Variants in SLC7A5 observed in about 807,000 individuals in gnomAD.
SLC7A5 encodes solute carrier family 7 member 5, also known as large neutral amino acids transporter small subunit 1.
SLC7A5 carries 23 observed loss-of-function variants against 50.2 expected under a neutral mutation model. The observed-to-expected ratio is 0.46, with a 90% CI of 0.33 to 0.65. The LOEUF is 0.65. Ranked by LOEUF, SLC7A5 falls within the 30% of genes least tolerant of loss-of-function variation. The pLI, the probability that SLC7A5 is intolerant of heterozygous loss-of-function variation, is 0.02. For synonymous variants in SLC7A5, 393 were observed against 330.6 expected, an observed-to-expected ratio of 1.19 and a Z score of -2.05; for missense variants, 578 against 684.4, an observed-to-expected ratio of 0.84 and a Z score of 1.73.
At chr16:87,847,477 T>A (rs546873779) in intron 2 of SLC7A5, among the ~76,000 whole-genome samples, 7 of 152,260 alleles carry the variant, frequency 4.6e-5, no homozygotes, top group African/African-American at 1.7e-4. Flanking sequence ...GGGGCTGCCT[T>A]CAAGGAAGCT....
chr16:87,846,006 A>C (rs949866904), intron 2 of SLC7A5, among the ~76,000 whole-genome samples: 2 of 152,222 alleles, frequency 1.3e-5, no homozygotes, highest in African/African-American at 4.8e-5. Context: ...GGCCCAGGAC[A>C]CACTGAGCTC....
Position 87,852,529 on chromosome 16 carries a change from A to G in SLC7A5, c.539-680T>C, listed in dbSNP as rs1319235679. ...CCTGAGTGACCCCACACAGATGGCC[A>G]GAACGCCTGCCCCAGGAGGCGCTGA... On this transcript the variant is annotated intron_variant, in intron 1 of 9. Transcript: ENST00000261622. The surrounding 1 kb of genome is among the most constrained non-coding windows in gnomAD (Gnocchi z 4.5). Among the ~76,000 whole-genome samples the G allele has an allele frequency of 2.0e-5, 3 of 152,160 alleles. No individual in the cohort carries two copies. Among genetic ancestry groups the G allele is most frequent in the Non-Finnish European group, 1.5e-5 (1 of 68,022 alleles).
At chr16:87,856,495 G>T (rs1236524812) in intron 1 of SLC7A5, among the ~76,000 whole-genome samples, 1 of 152,182 alleles carries the variant, frequency 6.6e-6, no homozygotes, top group Admixed American at 6.5e-5. Flanking sequence ...CAGCTGGCCC[G>T]ACACCGGGCA....
chr16:87,842,337 A>C (rs572673606), intron 2 of SLC7A5, among the ~76,000 whole-genome samples: 76 of 152,308 alleles, frequency 5.0e-4, no homozygotes, highest in Non-Finnish European at 1.0e-3. Flanking sequence ...GCCTTGGACC[A>C]CAGGTCACCA....
intron 1 of SLC7A5, among the ~76,000 whole-genome samples, chr16:87,854,129 C>T (rs886909218): frequency 6.6e-6 from 1 of 150,810 alleles, no homozygotes; most frequent in Non-Finnish European, 1.5e-5. Context: ...CAGCCGCTCC[C>T]CAACCAAAAA....
At chr16:87,864,699 T>C (rs1010749681) in intron 1 of SLC7A5, among the ~76,000 whole-genome samples, 15 of 152,260 alleles carry the variant, frequency 9.9e-5, no homozygotes, top group Non-Finnish European at 1.6e-4. Context: ...GGCTCCCTGC[T>C]GAGTCCTGTA....
At chr16:87,835,180 C>T (rs997130456) in intron 8 of SLC7A5, among the ~76,000 whole-genome samples, 12 of 152,244 alleles carry the variant, frequency 7.9e-5, no homozygotes, top group Admixed American at 2.6e-4. Context: ...GGACAGGGCA[C>T]CCTGGGAGAT....
At chr16:87,864,806 A>C (rs556503537) in intron 1 of SLC7A5, among the ~76,000 whole-genome samples, 1 of 152,356 alleles carries the variant, frequency 6.6e-6, no homozygotes, top group Non-Finnish European at 1.5e-5. Flanking sequence ...AGAATGTAAC[A>C]GACATTGTGG....
rs1446431141 is a variant in SLC7A5, at chr16:87,862,355, A to ACAACAGCTAAGC, written c.538+6529_538+6530insGCTTAGCTGTTG. 5.9e-5 allele frequency among the ~76,000 whole-genome samples: 9 copies of ACAACAGCTAAGC among 152,162 alleles called. 1 individual carries two copies. The highest frequency in any genetic ancestry group is 5.9e-4 in the Admixed American group (9 of 15,282). On this transcript the variant is annotated intron_variant, in intron 1 of 9. Transcript: ENST00000261622. This position sits in a 1 kb window ranked among gnomAD's most constrained non-coding sequence, Gnocchi z 5.3. ...GGCCAACTGGCCTTTGAGTCCACTG[A>ACAACAGCTAAGC]CCACAGCTAAGCCCACAGCCATCAA... is the stretch of plus-strand genomic sequence containing the variant.
At chr16:87,863,998 T>TATATATATATATATATAC (rs1410274815) in intron 1 of SLC7A5, among the ~76,000 whole-genome samples, 12 of 137,632 alleles carry the variant, frequency 8.7e-5, no homozygotes, top group South Asian at 2.3e-4. Flanking sequence ...TATATATATA[T>TATATATATATATATATAC]ATATATATAT....
chr16:87,865,963 G>C (rs182458883), intron 1 of SLC7A5, among the ~76,000 whole-genome samples: 1 of 152,204 alleles, frequency 6.6e-6, no homozygotes, highest in African/African-American at 2.4e-5. Flanking sequence ...AGAGGTTGCA[G>C]TGAGCAACGA....
At position 87,851,879 on chromosome 16, in the gene SLC7A5, C is replaced by CACGGGCAGACAG. The variant is rs746213623; in HGVS notation, c.539-42_539-31dup. 1.9e-6 allele frequency: 3 copies of CACGGGCAGACAG among 1,612,108 alleles called. No individual in the cohort carries two copies. In the South Asian group the frequency reaches 3.3e-5, roughly 18 times the overall value. ...GGAGACAGAGGGCAGCGGTGAGTTC[C>CACGGGCAGACAG]ACGGGCAGACAGACGCCAGCTCAGG... On this transcript the variant is annotated intron_variant, in intron 1 of 9. Transcript: ENST00000261622.
intron 2 of SLC7A5, among the ~76,000 whole-genome samples, chr16:87,844,682 A>G (rs889792425): frequency 1.3e-5 from 2 of 152,180 alleles, no homozygotes; most frequent in African/African-American, 4.8e-5. Flanking sequence ...GATGGAGGGC[A>G]TCCCGGAACC....
At chr16:87,855,411 G>A (rs1337203291) in intron 1 of SLC7A5, among the ~76,000 whole-genome samples, 2 of 152,072 alleles carry the variant, frequency 1.3e-5, no homozygotes, top group African/African-American at 2.4e-5. Context: ...GACGGGACAG[G>A]TGCATACCGC....
intron 1 of SLC7A5, among the ~76,000 whole-genome samples, chr16:87,865,442 C>T (rs1434464091): frequency 6.6e-6 from 1 of 152,210 alleles, no homozygotes; most frequent in Non-Finnish European, 1.5e-5. Context: ...GGTGTGGTGG[C>T]TCAAGCCTGT....
At position 87,852,647 on chromosome 16, in the gene SLC7A5, T is replaced by TGTGTGTGCGTGC. The variant is rs879455982; in HGVS notation, c.539-799_539-798insGCACGCACACAC. Among the ~76,000 whole-genome samples, 1 of 130,894 alleles carries TGTGTGTGCGTGC rather than the reference T, an allele frequency of 7.6e-6. No individual in the cohort carries two copies. The highest frequency in any genetic ancestry group is 1.6e-5 in the Non-Finnish European group (1 of 63,474). The allele number at this position is 130,894 out of a possible 152,430, so 85.9% of individuals were successfully genotyped here. Reference sequence around the variant, plus strand: ...ACCCAGCTCTGAGCCTCTGTGTGTGTGTGTGTGTGTGTGTGTGTGTGTGTG... The same window carrying TGTGTGTGCGTGC: ...ACCCAGCTCTGAGCCTCTGTGTGTGTGTGTGTGCGTGCGTGTGTGTGTGTGTGTGTGTGTGTG... On this transcript the variant is annotated intron_variant, in intron 1 of 9. Transcript: ENST00000261622. The surrounding 1 kb of genome is among the most constrained non-coding windows in gnomAD (Gnocchi z 4.5).
intron 1 of SLC7A5, among the ~76,000 whole-genome samples, chr16:87,855,803 C>A (rs1406354833): frequency 6.6e-6 from 1 of 152,028 alleles, no homozygotes; most frequent in Admixed American, 6.5e-5. Context: ...TGGGTGGGGA[C>A]CCCGCAGGCC....
rs1465102245 is a variant in SLC7A5 at position 87,838,712 on chromosome 16, A to C, written c.1043+2T>G. On this transcript the variant is annotated splice_donor_variant, in intron 6 of 9. Transcript: ENST00000261622. LOFTEE classifies it high-confidence loss of function. ...ACCTGTGGTGGGTCGGGCTGTGCTC[A>C]CCTGGAGGATGTGAACAGGGACCCA... 1 of 1,611,960 alleles carries C rather than the reference A, an allele frequency of 6.2e-7. No homozygotes were observed. Among genetic ancestry groups the C allele is most frequent in the Admixed American group, 1.7e-5 (1 of 60,030 alleles).
At position 87,830,281 on chromosome 16, in the gene SLC7A5, GAAAT is replaced by G. The variant is rs1370514529; in HGVS notation, c.*2685_*2688del. 6.6e-6 allele frequency: 1 copy of G among 152,382 alleles called. No individual in the cohort carries two copies. Among genetic ancestry groups the G allele is most frequent in the East Asian group, 1.9e-4 (1 of 5,188 alleles). 9.4% of individuals were successfully genotyped at this position (152,382 alleles called of 1,614,324 possible). A position where few individuals can be genotyped will look rare whatever the true frequency, so the allele number is the denominator to read the frequency against. On this transcript the variant is annotated 3_prime_UTR_variant, in exon 10 of 10. Coordinates refer to ENST00000261622, the MANE Select transcript of SLC7A5 (RefSeq NM_003486.7). ...GCAGCAAGGCTGAGCATGACCACTG[GAAAT>G]AAATAAACATGGTGCCGACAGCATC...
Sources: allele counts gnomAD v4.1 joint callset (sites outside exome capture counted in the v4.1 genomes callset), GRCh38; gene constraint gnomAD v4.1.1; non-coding constraint Gnocchi (gnomAD v3.1); transcripts MANE v1.5; gene names NCBI Gene and HGNC (gene_info 2026-07-23, HGNC 2026-07-21).